HEATR5A: variants seen among roughly 807,000 people sequenced by gnomAD.
HEATR5A encodes HEAT repeat-containing protein 5A.
HEATR5A carries 178 observed loss-of-function variants against 218.8 expected under a neutral mutation model. The ratio of observed to expected loss-of-function variants is 0.81; its 90% CI spans 0.72 to 0.92. The LOEUF (loss-of-function observed/expected upper bound fraction) is 0.92. Ranked by LOEUF, HEATR5A falls within the 40% of genes least tolerant of loss-of-function variation. The probability of loss-of-function intolerance (pLI) is 0.00; values close to 1 mark genes in which losing one functional copy is unlikely to be tolerated. For synonymous variants in HEATR5A, 864 were observed against 871.6 expected (o/e 0.99, Z 0.15); for missense variants, 2,420 against 2,418.9 (o/e 1.00, Z -0.01).
chr14:31,374,329 A>G (rs1902148423), intron 12 of HEATR5A, among the ~76,000 whole-genome samples: 1 of 149,954 alleles, frequency 6.7e-6, no homozygotes, highest in Admixed American at 6.7e-5. Context: ...AAAAGTGGTA[A>G]TTGACCATTT....
intron 1 of HEATR5A, among the ~76,000 whole-genome samples, chr14:31,419,497 A>C (rs930507681): frequency 2.0e-5 from 3 of 152,240 alleles, no homozygotes; most frequent in Admixed American, 2.0e-4. Context: ...GGAAGTTCTT[A>C]AGTGTACTTG....
intron 1 of HEATR5A, among the ~76,000 whole-genome samples, chr14:31,407,134 T>A (rs1173355370): frequency 3.0e-5 from 4 of 135,550 alleles, no homozygotes; most frequent in Admixed American, 7.3e-5. Context: ...CTACAAAAAA[T>A]AAAAAAATTA....
At chr14:31,353,003 T>C (rs979090722) in intron 16 of HEATR5A, among the ~76,000 whole-genome samples, 1 of 151,584 alleles carries the variant, frequency 6.6e-6, no homozygotes, top group African/African-American at 2.4e-5. Flanking sequence ...GTAATAAAAA[T>C]GGTGGAACAC....
chr14:31,337,177 A>G (rs942449910), intron 22 of HEATR5A, among the ~76,000 whole-genome samples: 3 of 152,228 alleles, frequency 2.0e-5, no homozygotes, highest in Admixed American at 2.0e-4. Flanking sequence ...AGATTTAAAA[A>G]TACAGATTGC....
chr14:31,299,575 T>G (rs1257599372), intron 33 of HEATR5A, among the ~76,000 whole-genome samples: 1 of 148,484 alleles, frequency 6.7e-6, no homozygotes, highest in Non-Finnish European at 1.5e-5. Flanking sequence ...CAAAAAAAAT[T>G]AGCCAGGCGT....
At chr14:31,293,859 A>C in intron 35 of HEATR5A, 32 bp downstream of exon 35, 2 of 1,519,616 alleles carry the variant, frequency 1.3e-6, no homozygotes, top group African/African-American at 2.7e-5. Flanking sequence ...ATTTTTGTTG[A>C]GACTGAGTAT....
chr14:31,306,501 A>G (rs1012518547), intron 31 of HEATR5A, among the ~76,000 whole-genome samples: 1 of 152,026 alleles, frequency 6.6e-6, no homozygotes, highest in Non-Finnish European at 1.5e-5. Context: ...AAATAAATAA[A>G]TAAATAAAGC....
Position 31,312,487 on chromosome 14 carries a change from A to T in HEATR5A, c.4441+481T>A, listed in dbSNP as rs1219318416. Among the ~76,000 whole-genome samples, 8 of 150,246 alleles carry T rather than the reference A, an allele frequency of 5.3e-5. No homozygotes were observed. In the East Asian group the frequency reaches 1.4e-3, roughly 26 times the overall value. The stretch of plus-strand genomic sequence containing the variant: ...GAGTGCAGTGGCACGATCTCAGCTC[A>T]CTGCAACTTCAGCCTCCCGGGTTCA... On this transcript the variant is annotated intron_variant, in intron 28 of 35. Transcript: ENST00000543095.
At chr14:31,369,085 C>A (rs1418891399) in intron 13 of HEATR5A, among the ~76,000 whole-genome samples, 2 of 151,910 alleles carry the variant, frequency 1.3e-5, no homozygotes, top group African/African-American at 4.8e-5. Context: ...TCGCTTGAGC[C>A]TGGAAATTTG....
chr14:31,380,328 A>G, intron 11 of HEATR5A, 139 bp downstream of exon 11: 1 of 578,230 alleles, frequency 1.7e-6, no homozygotes, highest in Non-Finnish European at 3.1e-6. Context: ...TAAGGTGACT[A>G]CTACAAGAAA....
chr14:31,408,912 A>G (rs2031173912), intron 1 of HEATR5A, among the ~76,000 whole-genome samples: 3 of 99,576 alleles, frequency 3.0e-5, no homozygotes, highest in Admixed American at 2.4e-4. Context: ...TAAAACGGTG[A>G]AACCCCGTCT....
chr14:31,321,599 A>C lies in HEATR5A; in HGVS notation c.3869T>G (p.Leu1290Arg). The C allele has an allele frequency of 6.2e-7, 1 of 1,610,000 alleles. No individual in the cohort carries two copies. The highest frequency in any genetic ancestry group is 8.5e-7 in the Non-Finnish European group (1 of 1,178,254). The change falls in exon 25 of 36, where the codon CTT becomes CGT. Residue 1290 changes from leucine to arginine, a missense_variant. Leu to Arg is a moderately radical substitution (Grantham distance 102). Coordinates refer to ENST00000543095, the MANE Select transcript of HEATR5A (RefSeq NM_015473.4). ...AATDHSDQLRLSGLEMLLVVI... is the reference protein window; with the variant it reads ...AATDHSDQLRRSGLEMLLVVI... The stretch of plus-strand genomic sequence containing the variant: ...AACTAACAGCATTTCAAGGCCAGAA[A>C]GACGGAGCTGGTCACTGTGATCTGT...
intron 11 of HEATR5A, among the ~76,000 whole-genome samples, chr14:31,378,048 T>C (rs974009911): frequency 1.3e-5 from 2 of 152,208 alleles, no homozygotes; most frequent in African/African-American, 4.8e-5. Flanking sequence ...ATTTCCTCCT[T>C]AATTCACCAG....
At chr14:31,348,934 T>C (rs772774468) in intron 18 of HEATR5A, among the ~76,000 whole-genome samples, 25 of 152,192 alleles carry the variant, frequency 1.6e-4, no homozygotes, top group Non-Finnish European at 3.1e-4. Context: ...ATAACTAATA[T>C]AACCACAAAG....
chr14:31,312,050 C>T lies in HEATR5A; in HGVS notation c.4441+918G>A, dbSNP rs1899772899. ...CGGGAGGACAATGGGTACAGGTAAC[C>T]AAAGGAACAGATGTGAGTTATCAAT... On this transcript the variant is annotated intron_variant, in intron 28 of 35. Coordinates refer to ENST00000543095, the MANE Select transcript of HEATR5A (RefSeq NM_015473.4). 2.6e-5 allele frequency among the ~76,000 whole-genome samples: 4 copies of T among 152,106 alleles called. 1 individual carries two copies. The Middle Eastern group carries it at 0.01, about 388-fold the overall frequency.
intron 33 of HEATR5A, among the ~76,000 whole-genome samples, chr14:31,299,584 G>A (rs1000896571): frequency 5.3e-5 from 8 of 151,652 alleles, no homozygotes; most frequent in South Asian, 4.2e-4. Context: ...TTAGCCAGGC[G>A]TGGTGGCACA....
chr14:31,406,750 G>C (rs532529486), intron 1 of HEATR5A, among the ~76,000 whole-genome samples: 2 of 152,010 alleles, frequency 1.3e-5, no homozygotes, highest in African/African-American at 4.8e-5. Flanking sequence ...CTGAGATCAG[G>C]AGTTCGAGAC....
chr14:31,329,017 T>C (rs1287926737), intron 22 of HEATR5A, among the ~76,000 whole-genome samples: 1 of 151,972 alleles, frequency 6.6e-6, no homozygotes, highest in African/African-American at 2.4e-5. Flanking sequence ...AGAGAGCATG[T>C]GAAGGAGGCA....
At chr14:31,326,941 A>T (rs914382558) in intron 22 of HEATR5A, among the ~76,000 whole-genome samples, 2 of 151,258 alleles carry the variant, frequency 1.3e-5, no homozygotes, top group Non-Finnish European at 2.9e-5. Flanking sequence ...CACTGAACCC[A>T]GCTCAATACT....
Sources: allele counts gnomAD v4.1 joint callset (sites outside exome capture counted in the v4.1 genomes callset), GRCh38; gene constraint gnomAD v4.1.1; transcripts MANE v1.5; gene names NCBI Gene and HGNC (gene_info 2026-07-23, HGNC 2026-07-21).